Variants in PLD5 observed in about 807,000 individuals in gnomAD.
PLD5 encodes the protein inactive phospholipase D5.
PLD5 carries 36 observed loss-of-function variants against 61.1 expected under a neutral mutation model. The ratio of observed to expected loss-of-function variants is 0.59; its 90% CI spans 0.45 to 0.78. The LOEUF is 0.78. Among genes scored for constraint, PLD5 ranks in the 30% least tolerant of loss-of-function variants. The pLI, the probability that PLD5 is intolerant of heterozygous loss-of-function variation, is 0.00. For synonymous variants in PLD5, 243 were observed against 242.8 expected (o/e 1.00, Z -0.01); for missense variants, 515 against 644.4 (o/e 0.80, Z 2.17).
intron 5 of PLD5, chr1:242,203,809 A>G (rs1426166292): frequency 6.6e-6 from 1 of 152,208 alleles, no homozygotes; most frequent in African/African-American, 2.4e-5. Context: ...GCAACGCACA[A>G]ATTAACTAAC....
chr1:242,245,571 G>C (rs1040507325), intron 4 of PLD5, among the ~76,000 whole-genome samples: 3 of 152,170 alleles, frequency 2.0e-5, no homozygotes, highest in African/African-American at 7.2e-5. Flanking sequence ...GAGTGAGTTA[G>C]GTCCTATCTC....
At chr1:242,438,044 T>C (rs994006911) in intron 1 of PLD5, among the ~76,000 whole-genome samples, 1 of 152,196 alleles carries the variant, frequency 6.6e-6, no homozygotes, top group African/African-American at 2.4e-5. Context: ...GAGTCTAAGT[T>C]ATCATTTATT....
chr1:242,245,607 T>C (rs1011548688), intron 4 of PLD5, among the ~76,000 whole-genome samples: 1 of 152,192 alleles, frequency 6.6e-6, no homozygotes, highest in East Asian at 1.9e-4. Context: ...CAAAACTACA[T>C]GAAAGATTTA....
At chr1:242,226,879 A>G (rs924523587) in intron 4 of PLD5, among the ~76,000 whole-genome samples, 2 of 152,218 alleles carry the variant, frequency 1.3e-5, no homozygotes, top group Non-Finnish European at 2.9e-5. Context: ...ACGTATTTCA[A>G]TGGAAATAAT....
chr1:242,378,000 G>A (rs1296187855), intron 1 of PLD5, among the ~76,000 whole-genome samples: 1 of 152,174 alleles, frequency 6.6e-6, no homozygotes, highest in Non-Finnish European at 1.5e-5. Context: ...TTATGATCCA[G>A]TAATTCCACT....
intron 2 of PLD5, among the ~76,000 whole-genome samples, chr1:242,305,261 T>C (rs1201968625): frequency 1.3e-5 from 2 of 152,250 alleles, no homozygotes; most frequent in Admixed American, 1.3e-4. Context: ...CACTCCTGAT[T>C]GCTGTGTGTT....
chr1:242,417,097 C>T (rs1664872286), intron 1 of PLD5, among the ~76,000 whole-genome samples: 1 of 152,112 alleles, frequency 6.6e-6, no homozygotes, highest in Non-Finnish European at 1.5e-5. Context: ...GGAAAGTTCA[C>T]CAAGAGGTAG....
At chr1:242,220,419 C>T (rs1670497689) in intron 4 of PLD5, among the ~76,000 whole-genome samples, 2 of 152,308 alleles carry the variant, frequency 1.3e-5, no homozygotes, top group African/African-American at 4.8e-5. Flanking sequence ...CAACTCAGAT[C>T]TGTACTGAAA....
At chr1:242,096,582 T>C (rs948730612) in intron 9 of PLD5, among the ~76,000 whole-genome samples, 37 of 152,076 alleles carry the variant, frequency 2.4e-4, no homozygotes, top group African/African-American at 8.7e-4. Context: ...CCTCAGGTGA[T>C]CCACCTGCCT....
intron 5 of PLD5, among the ~76,000 whole-genome samples, chr1:242,208,171 A>T (rs1669563247): frequency 6.6e-6 from 1 of 151,162 alleles, no homozygotes; most frequent in Non-Finnish European, 1.5e-5. Flanking sequence ...ATAGGCACAC[A>T]CCACCACACC....
rs554930575 is a variant in PLD5 at position 242,436,675 on chromosome 1, C to T, written c.189+87413G>A. ...GAGCTAAGTTTTTAGAATACACTCA[C>T]CTTAAGGGGTTAAGGATTTGGATAC... On this transcript the variant is annotated intron_variant, in intron 1 of 9. Coordinates refer to ENST00000536534, the MANE Select transcript of PLD5 (RefSeq NM_001372062.1). Among the ~76,000 whole-genome samples, 11 of 152,212 alleles carry T rather than the reference C, an allele frequency of 7.2e-5. No individual in the cohort carries two copies. The East Asian group carries it at 1.9e-3, about 27-fold the overall frequency.
intron 5 of PLD5, among the ~76,000 whole-genome samples, chr1:242,181,374 TA>T (rs746870248): frequency 3.3e-5 from 5 of 152,212 alleles, no homozygotes; most frequent in Non-Finnish European, 5.9e-5. Context: ...TTTATATGTG[TA>T]AAATATACAC....
rs187873044 is a variant in PLD5 at position 242,104,758 on chromosome 1, T to G, written c.1239+2913A>C. Among the ~76,000 whole-genome samples, 4 of 152,348 alleles carry G rather than the reference T, an allele frequency of 2.6e-5. No homozygotes were observed. In the East Asian group the frequency reaches 7.7e-4, roughly 29 times the overall value. ...CAGGTCTTGAACTTGTGGCCTCAGA[T>G]GAACTTCCTGCCTTGGACTCCCAAA... On this transcript the variant is annotated intron_variant, in intron 8 of 9. Transcript: ENST00000536534.
intron 9 of PLD5, among the ~76,000 whole-genome samples, chr1:242,092,846 A>T (rs1384265747): frequency 6.6e-6 from 1 of 151,954 alleles, no homozygotes; most frequent in South Asian, 2.1e-4. Flanking sequence ...TCCATTTGGC[A>T]CCCCTGAGAA....
chr1:242,248,410 T>C (rs1227193819), intron 4 of PLD5, among the ~76,000 whole-genome samples: 1 of 151,962 alleles, frequency 6.6e-6, no homozygotes, highest in Non-Finnish European at 1.5e-5. Context: ...CAAACCTGCA[T>C]GTTCTGCACA....
rs796473557 is a variant in PLD5 at position 242,394,102 on chromosome 1, GTA to G, written c.190-45862_190-45861del. Among the ~76,000 whole-genome samples the G allele has an allele frequency of 3.0e-5, 4 of 134,450 alleles. 1 individual carries two copies. Among genetic ancestry groups the G allele is most frequent in the Admixed American group, 8.5e-5 (1 of 11,790 alleles). The allele number at this position is 134,450 out of a possible 152,430, so 88.2% of individuals were successfully genotyped here. On this transcript the variant is annotated intron_variant, in intron 1 of 9. Coordinates refer to ENST00000536534, the MANE Select transcript of PLD5 (RefSeq NM_001372062.1). The stretch of plus-strand genomic sequence containing the variant: ...TATGAGTATATATATGTATATATGT[GTA>G]TATATATGAGTATATATATGTGTAT...
chr1:242,145,452 T>C (rs1277413184), intron 5 of PLD5, among the ~76,000 whole-genome samples: 1 of 152,046 alleles, frequency 6.6e-6, no homozygotes, highest in Non-Finnish European at 1.5e-5. Flanking sequence ...TAAATATATG[T>C]TGAATAAGGG....
intron 1 of PLD5, among the ~76,000 whole-genome samples, chr1:242,392,349 C>T (rs2149265464): frequency 6.6e-6 from 1 of 152,198 alleles, no homozygotes; most frequent in Admixed American, 6.5e-5. Context: ...TACCATAAAC[C>T]TCAGTGTTAC....
chr1:242,292,097 G>A (rs1274560255), intron 2 of PLD5, among the ~76,000 whole-genome samples: 3 of 152,182 alleles, frequency 2.0e-5, no homozygotes, highest in South Asian at 4.2e-4. Flanking sequence ...CGAGGCCTTC[G>A]AAGGCAATAG....
Sources: gnomAD v4.1 joint callset for allele counts (sites outside exome capture counted in the v4.1 genomes callset) on GRCh38, gnomAD v4.1.1 for gene constraint, MANE v1.5 for transcripts, NCBI Gene and HGNC (gene_info 2026-07-23, HGNC 2026-07-21) for gene names.